Variants in WWOX observed in about 807,000 individuals in gnomAD.
WWOX encodes WW domain containing oxidoreductase.
A neutral mutation model predicts 46.2 loss-of-function variants in WWOX; 69 were observed. That is an observed-to-expected ratio of 1.49 (90% CI 1.23 to 1.82). WWOX has a LOEUF of 1.82. Among genes scored for constraint, WWOX ranks in the 40% most tolerant of loss-of-function variants. The pLI, the probability that WWOX is intolerant of heterozygous loss-of-function variation, is 0.00. For missense variants in WWOX, 919 were observed against 542.6 expected (o/e 1.69, Z -6.89); for synonymous variants, 359 against 202.6 (o/e 1.77, Z -6.56).
chr16:78,691,638 G>A (rs1043500702), intron 8 of WWOX, among the ~76,000 whole-genome samples: 10 of 152,174 alleles, frequency 6.6e-5, no homozygotes, highest in Admixed American at 2.0e-4. Context: ...AGCCTAGGAG[G>A]TTGAGAGTGC....
intron 5 of WWOX, among the ~76,000 whole-genome samples, chr16:78,220,270 G>A (rs553674212): frequency 2.0e-5 from 3 of 152,162 alleles, no homozygotes; most frequent in African/African-American, 7.2e-5. Context: ...GTTATGTGAT[G>A]GATACTTCTA....
chr16:78,773,655 G>A (rs1597586861), intron 8 of WWOX, among the ~76,000 whole-genome samples: 1 of 152,186 alleles, frequency 6.6e-6, no homozygotes, highest in Non-Finnish European at 1.5e-5. Flanking sequence ...CTACTCACTG[G>A]ATAGTGTTTA....
chr16:78,622,803 G>C (rs1198211708), intron 8 of WWOX, among the ~76,000 whole-genome samples: 1 of 152,180 alleles, frequency 6.6e-6, no homozygotes, highest in Non-Finnish European at 1.5e-5. Flanking sequence ...GGTCTTACAT[G>C]AGACAGATTT....
intron 8 of WWOX, among the ~76,000 whole-genome samples, chr16:78,876,453 G>A (rs2044235836): frequency 6.8e-6 from 1 of 147,124 alleles, no homozygotes; most frequent in Non-Finnish European, 1.5e-5. Context: ...CAAATAGATT[G>A]TGAATGCTTG....
chr16:79,155,359 A>G (rs1481480621), intron 8 of WWOX, among the ~76,000 whole-genome samples: 2 of 152,112 alleles, frequency 1.3e-5, no homozygotes, highest in Non-Finnish European at 2.9e-5. Flanking sequence ...CTGGCGACAG[A>G]GGGAGACTCT....
intron 6 of WWOX, among the ~76,000 whole-genome samples, chr16:78,404,348 C>G (rs760703614): frequency 6.6e-6 from 1 of 152,032 alleles, no homozygotes; most frequent in African/African-American, 2.4e-5. Flanking sequence ...GGTGTGAGAG[C>G]ACAAGGTGAC....
chr16:79,112,219 C>T (rs1023915141), intron 8 of WWOX, among the ~76,000 whole-genome samples: 4 of 152,140 alleles, frequency 2.6e-5, no homozygotes, highest in Non-Finnish European at 4.4e-5. Context: ...CAAACAGACT[C>T]TTGGTTTGTG....
At chr16:78,988,107 C>G (rs145613306) in intron 8 of WWOX, among the ~76,000 whole-genome samples, 3,833 of 152,108 alleles carry the variant, frequency 0.025, 82 homozygotes, top group Non-Finnish European at 0.035. Flanking sequence ...GTTTGGGAGG[C>G]CGAGGCTGGT....
intron 8 of WWOX, among the ~76,000 whole-genome samples, chr16:78,950,533 T>TATACAC (rs1555575726): frequency 6.1e-5 from 9 of 146,960 alleles, no homozygotes; most frequent in African/African-American, 2.0e-4. Flanking sequence ...CACACACACA[T>TATACAC]ACACACACAC....
chr16:78,527,790 G>A (rs1345380809), intron 8 of WWOX, among the ~76,000 whole-genome samples: 1 of 151,340 alleles, frequency 6.6e-6, no homozygotes, highest in African/African-American at 2.4e-5. Flanking sequence ...GAGACATCTG[G>A]GGTTGTCAGT....
chr16:78,420,215 CA>C (rs1780805768), intron 6 of WWOX, among the ~76,000 whole-genome samples: 1 of 151,964 alleles, frequency 6.6e-6, no homozygotes, highest in Non-Finnish European at 1.5e-5. Context: ...GGCCATTATT[CA>C]AAAAGTTAAA....
intron 8 of WWOX, among the ~76,000 whole-genome samples, chr16:78,696,445 G>A (rs1201478461): frequency 6.6e-6 from 1 of 152,102 alleles, no homozygotes; most frequent in Non-Finnish European, 1.5e-5. Flanking sequence ...ACATCCAGTA[G>A]AAACCGAACT....
intron 8 of WWOX, among the ~76,000 whole-genome samples, chr16:78,917,634 T>G (rs1437139987): frequency 6.6e-6 from 1 of 152,144 alleles, no homozygotes; most frequent in African/African-American, 2.4e-5. Context: ...ACTTTCCCAC[T>G]CATTGCCCTT....
At chr16:78,613,476 C>T (rs2045947673) in intron 8 of WWOX, among the ~76,000 whole-genome samples, 1 of 152,168 alleles carries the variant, frequency 6.6e-6, no homozygotes, top group Admixed American at 6.5e-5. Flanking sequence ...AATCGCTGTC[C>T]TGCCAGTTTC....
chr16:78,983,023 T>G (rs2046713258), intron 8 of WWOX, among the ~76,000 whole-genome samples: 1 of 152,192 alleles, frequency 6.6e-6, no homozygotes, highest in Non-Finnish European at 1.5e-5. Context: ...ATTCCTTTGT[T>G]TCTTTTGTGA....
intron 6 of WWOX, among the ~76,000 whole-genome samples, chr16:78,407,671 C>A (rs1248666468): frequency 1.3e-5 from 2 of 152,164 alleles, no homozygotes; most frequent in African/African-American, 2.4e-5. Flanking sequence ...ATGACTCTTT[C>A]TTGATCAACT....
At chr16:78,320,924 G>A (rs908036676) in intron 5 of WWOX, among the ~76,000 whole-genome samples, 1 of 152,112 alleles carries the variant, frequency 6.6e-6, no homozygotes, top group Non-Finnish European at 1.5e-5. Flanking sequence ...TGCTTTGGGC[G>A]CCAGACTGCA....
chr16:78,249,542 G>T (rs76306254), intron 5 of WWOX, among the ~76,000 whole-genome samples: 273 of 152,328 alleles, frequency 1.8e-3, no homozygotes, highest in Admixed American at 3.3e-3. Flanking sequence ...TTCAGGAGCA[G>T]CCTGGGCTGA....
chr16:78,182,634 C>A (rs531790668), intron 5 of WWOX, among the ~76,000 whole-genome samples: 2 of 152,090 alleles, frequency 1.3e-5, no homozygotes, highest in South Asian at 4.2e-4. Flanking sequence ...GCACTGAGCA[C>A]CAGTGATATG....
Sources: allele counts gnomAD v4.1 joint callset (sites outside exome capture counted in the v4.1 genomes callset), GRCh38; gene constraint gnomAD v4.1.1; transcripts MANE v1.5; gene names NCBI Gene and HGNC (gene_info 2026-07-23, HGNC 2026-07-21).